Variants in RAP2A observed in about 807,000 individuals in gnomAD.
The protein encoded by RAP2A is RAP2A, member of RAS oncogene family.
RAP2A carries 5 observed loss-of-function variants against 15.1 expected under a neutral mutation model. That is an observed-to-expected ratio of 0.33 (90% CI 0.17 to 0.70). RAP2A has a LOEUF of 0.70. Ranked by LOEUF, RAP2A falls within the 30% of genes least tolerant of loss-of-function variation. The pLI, the probability that RAP2A is intolerant of heterozygous loss-of-function variation, is 0.68. For missense variants in RAP2A, 111 were observed against 240.3 expected, an observed-to-expected ratio of 0.46 and a Z score of 3.56; for synonymous variants, 110 against 99.7, an observed-to-expected ratio of 1.10 and a Z score of -0.62.
chr13:97,441,118 G>A lies in RAP2A; in HGVS notation c.314+6334G>A, dbSNP rs74105087. Among the ~76,000 whole-genome samples, 280 of 152,240 alleles carry A rather than the reference G, an allele frequency of 1.8e-3. 1 individual carries two copies. Among genetic ancestry groups the A allele is most frequent in the African/African-American group, 6.4e-3 (266 of 41,544 alleles). On this transcript the variant is annotated intron_variant, in intron 1 of 1. Coordinates refer to ENST00000245304, the MANE Select transcript of RAP2A (RefSeq NM_021033.7). ...TCAATTTGGAGTTGGAGGAGATGAT[G>A]TCTCTTCCTCTCTAACATTCTGTGA...
At position 97,468,347 on chromosome 13, in the gene RAP2A, G is replaced by GTGA. The variant is rs1303658827; in HGVS notation, c.*3908_*3910dup. On this transcript the variant is annotated 3_prime_UTR_variant, in exon 2 of 2. Coordinates refer to ENST00000245304, the MANE Select transcript of RAP2A (RefSeq NM_021033.7). ...ACTAAAATGATTCAGAGGCCTTCTAGTGATGGCTTGAAGCCGTCTTTCTGT... is the reference window on the plus strand; with the variant it reads ...ACTAAAATGATTCAGAGGCCTTCTAGTGATGATGGCTTGAAGCCGTCTTTCTGT... 1.3e-5 allele frequency: 2 copies of GTGA among 152,228 alleles called. No individual in the cohort carries two copies. The highest frequency in any genetic ancestry group is 4.8e-5 in the African/African-American group (2 of 41,454). The allele number at this position is 152,228 out of a possible 1,614,324, so 9.4% of individuals were successfully genotyped here.
intron 1 of RAP2A, among the ~76,000 whole-genome samples, chr13:97,452,570 A>G (rs766794084): frequency 6.6e-6 from 1 of 150,788 alleles, no homozygotes; most frequent in Non-Finnish European, 1.5e-5. Flanking sequence ...TGTTTTTCAG[A>G]TTTGCTTTGG....
chr13:97,435,465 CAA>C (rs35791914), intron 1 of RAP2A, among the ~76,000 whole-genome samples: 46 of 63,652 alleles, frequency 7.2e-4, no homozygotes, highest in African/African-American at 2.8e-3. Context: ...TAACCCCTTC[CAA>C]AAAAAAAAAA....
intron 1 of RAP2A, among the ~76,000 whole-genome samples, chr13:97,447,973 T>G (rs77929567): frequency 6.8e-6 from 1 of 146,104 alleles, no homozygotes; most frequent in African/African-American, 2.7e-5. Flanking sequence ...GTTCTTGGGT[T>G]TTTTTTTTTT....
intron 1 of RAP2A, among the ~76,000 whole-genome samples, chr13:97,440,626 G>C (rs1307184238): frequency 6.6e-6 from 1 of 151,922 alleles, no homozygotes; most frequent in South Asian, 2.1e-4. Flanking sequence ...TGTTTTTCAT[G>C]ATCTTTTTTT....
In RAP2A at chr13:97,464,641, G is replaced by A; in HGVS notation, c.*199G>A. ...TCAGTAACTACAGTTTTCACCATTT[G>A]TCCTCAGTCTCCTTTATGCATCTGC... On this transcript the variant is annotated 3_prime_UTR_variant, in exon 2 of 2. Transcript: ENST00000245304. 2 of 598,524 alleles carry A rather than the reference G, an allele frequency of 3.3e-6. No homozygotes were observed. Among genetic ancestry groups the A allele is most frequent in the Non-Finnish European group, 5.9e-6 (2 of 339,288 alleles). The allele number at this position is 598,524 out of a possible 1,614,324, so 37.1% of individuals were successfully genotyped here.
At chr13:97,463,489 T>G (rs1458645796) in intron 1 of RAP2A, among the ~76,000 whole-genome samples, 1 of 152,244 alleles carries the variant, frequency 6.6e-6, no homozygotes, top group Non-Finnish European at 1.5e-5. Flanking sequence ...AAAAGAATCC[T>G]AATTGTTTCT....
chr13:97,449,030 G>T (rs1473919515), intron 1 of RAP2A, among the ~76,000 whole-genome samples: 4 of 152,150 alleles, frequency 2.6e-5, no homozygotes, highest in Admixed American at 2.6e-4. Context: ...GGAGACTTTA[G>T]CATAGTAAGT....
At chr13:97,460,402 C>T (rs1422636579) in intron 1 of RAP2A, among the ~76,000 whole-genome samples, 1 of 152,150 alleles carries the variant, frequency 6.6e-6, no homozygotes, top group African/African-American at 2.4e-5. Flanking sequence ...TTATCCAGTC[C>T]AGCTCATTTT....
At chr13:97,461,666 T>G (rs752371655) in intron 1 of RAP2A, among the ~76,000 whole-genome samples, 1 of 152,088 alleles carries the variant, frequency 6.6e-6, no homozygotes, top group Non-Finnish European at 1.5e-5. Context: ...ATATTTCACA[T>G]ATAAAACATG....
chr13:97,458,869 T>C (rs2066734982), intron 1 of RAP2A, among the ~76,000 whole-genome samples: 1 of 151,684 alleles, frequency 6.6e-6, no homozygotes, highest in Non-Finnish European at 1.5e-5. Flanking sequence ...ATTAACATTC[T>C]ACAGCTAAGT....
intron 1 of RAP2A, among the ~76,000 whole-genome samples, chr13:97,451,910 C>T (rs1185530240): frequency 6.6e-6 from 1 of 151,188 alleles, no homozygotes; most frequent in African/African-American, 2.4e-5. Context: ...TTTTCATATG[C>T]TTTATGACCA....
intron 1 of RAP2A, among the ~76,000 whole-genome samples, chr13:97,462,475 A>G (rs1303357305): frequency 1.3e-5 from 2 of 152,164 alleles, no homozygotes; most frequent in African/African-American, 4.8e-5. Flanking sequence ...TTGCCCTCCT[A>G]GAGGCCATGG....
In RAP2A at chr13:97,467,058, A is replaced by G. The variant is rs929988614; in HGVS notation, c.*2616A>G. On this transcript the variant is annotated 3_prime_UTR_variant, in exon 2 of 2. Coordinates refer to ENST00000245304, the MANE Select transcript of RAP2A (RefSeq NM_021033.7). The stretch of plus-strand genomic sequence containing the variant: ...TGCCCTGATCAGACTAGCAACTTAG[A>G]TAAGTGAAAGTTTTTCTAACATGCC... The G allele has an allele frequency of 1.3e-5, 2 of 152,794 alleles. No individual in the cohort carries two copies. The highest frequency in any genetic ancestry group is 1.5e-5 in the Non-Finnish European group (1 of 68,042). The allele number at this position is 152,794 out of a possible 1,614,324, so 9.5% of individuals were successfully genotyped here.
At chr13:97,461,735 G>A (rs1016135326) in intron 1 of RAP2A, among the ~76,000 whole-genome samples, 7 of 151,948 alleles carry the variant, frequency 4.6e-5, no homozygotes, top group East Asian at 1.9e-4. Flanking sequence ...AGGCTGAGGC[G>A]GGCGGATCAC....
intron 1 of RAP2A, among the ~76,000 whole-genome samples, chr13:97,436,867 C>T (rs1013338628): frequency 2.0e-5 from 3 of 152,116 alleles, no homozygotes; most frequent in African/African-American, 7.2e-5. Flanking sequence ...CCTCTTGGAC[C>T]CTCACTTGTG....
chr13:97,438,469 C>G (rs2066643228), intron 1 of RAP2A, among the ~76,000 whole-genome samples: 1 of 152,156 alleles, frequency 6.6e-6, no homozygotes, highest in Admixed American at 6.5e-5. Context: ...CCTGCTTAAC[C>G]CATTTATACC....
chr13:97,465,533 A>G lies in RAP2A; in HGVS notation c.*1091A>G, dbSNP rs1395484615. ...CAGGCATTTTAAAAATTGAATAACCATGTGAAATAATTTGGGCTTAAAAGT... is the reference window on the plus strand; with the variant it reads ...CAGGCATTTTAAAAATTGAATAACCGTGTGAAATAATTTGGGCTTAAAAGT... On this transcript the variant is annotated 3_prime_UTR_variant, in exon 2 of 2. Coordinates refer to ENST00000245304, the MANE Select transcript of RAP2A (RefSeq NM_021033.7). The G allele has an allele frequency of 6.6e-6, 1 of 152,652 alleles. No homozygotes were observed. The allele number at this position is 152,652 out of a possible 1,614,324, so 9.5% of individuals were successfully genotyped here.
In RAP2A at chr13:97,461,971, A is replaced by ATAT. The variant is rs1555326903; in HGVS notation, c.315-2234_315-2233insTAT. Among the ~76,000 whole-genome samples the ATAT allele has an allele frequency of 3.1e-4, 44 of 142,054 alleles. No homozygotes were observed. The East Asian group carries it at 3.8e-3, about 12-fold the overall frequency. 93.2% of individuals were successfully genotyped at this position (142,054 alleles called of 152,430 possible). A position where few individuals can be genotyped will look rare whatever the true frequency, so the allele number is the denominator to read the frequency against. On this transcript the variant is annotated intron_variant, in intron 1 of 1. Transcript: ENST00000245304. ...GAGCGAGACTCCGTCTCAAAAAAAA[A>ATAT]ATATATATATATATATATTTATATA...
Sources: allele counts gnomAD v4.1 joint callset (sites outside exome capture counted in the v4.1 genomes callset), GRCh38; gene constraint gnomAD v4.1.1; transcripts MANE v1.5; gene names NCBI Gene and HGNC (gene_info 2026-07-23, HGNC 2026-07-21).